The following PAPPA variants were observed in gnomAD, a reference collection of about 807,000 sequenced individuals.
The protein encoded by PAPPA is pappalysin-1.
Under a neutral mutation model 164.0 loss-of-function variants are expected in PAPPA, and 60 were observed. The ratio of observed to expected loss-of-function variants is 0.37; its 90% confidence interval spans 0.30 to 0.45. The LOEUF (loss-of-function observed/expected upper bound fraction) is 0.45. PAPPA is among the 20% of genes least tolerant of loss of function. The pLI, the probability that PAPPA is intolerant of heterozygous loss-of-function variation, is 1.00. For synonymous variants in PAPPA, 875 were observed against 814.1 expected (o/e 1.07, Z -1.27); for missense variants, 1,782 against 2,087.3 (o/e 0.85, Z 2.85).
rs185207598 is a variant in PAPPA at position 116,237,627 on chromosome 9, C to T, written c.2732+1990C>T. ...ATCTCAGCTAAATCACTAACTGGCT[C>T]TACCCTCTTAGGTGAGTCACTTGTC... On this transcript the variant is annotated intron_variant, in intron 7 of 21. Coordinates refer to ENST00000328252, the MANE Select transcript of PAPPA (RefSeq NM_002581.5). Among the ~76,000 whole-genome samples the T allele has an allele frequency of 3.5e-3, 534 of 152,240 alleles. 2 individuals are homozygous for T. Among genetic ancestry groups the T allele is most frequent in the Middle Eastern group, 6.8e-3 (2 of 294 alleles).
At chr9:116,332,168 T>C (rs181218438) in intron 11 of PAPPA, among the ~76,000 whole-genome samples, 165 bp from the exon 12 acceptor site, 1 of 152,350 alleles carries the variant, frequency 6.6e-6, no homozygotes, top group East Asian at 1.9e-4. Flanking sequence ...GCCTGTGCTC[T>C]TCACTGTTAG....
At chr9:116,203,182 C>G (rs1445445436) in intron 2 of PAPPA, among the ~76,000 whole-genome samples, 2 of 152,174 alleles carry the variant, frequency 1.3e-5, no homozygotes, top group African/African-American at 4.8e-5. Flanking sequence ...ACTTATGATA[C>G]AAAATTGCTG....
chr9:116,337,745 T>C (rs1846080290), intron 13 of PAPPA, among the ~76,000 whole-genome samples: 1 of 151,952 alleles, frequency 6.6e-6, no homozygotes, highest in Non-Finnish European at 1.5e-5. Context: ...TCTTCCTCAT[T>C]TTCTGTCTCT....
At position 116,271,511 on chromosome 9, in the gene PAPPA, A is replaced by T. The variant is rs1845137513; in HGVS notation, c.2953+95A>T. On this transcript the variant is annotated intron_variant, in intron 9 of 21. Coordinates refer to ENST00000328252, the MANE Select transcript of PAPPA (RefSeq NM_002581.5). This position sits in a 1 kb window ranked among gnomAD's most constrained non-coding sequence, Gnocchi z 4.2. ...TGCCAACAATAGTTATGACTAAATG[A>T]TGATTCACTCCTTTGTATTACACCT... The T allele has an allele frequency of 3.4e-6, 3 of 881,356 alleles. No homozygotes were observed. Among genetic ancestry groups the T allele is most frequent in the Non-Finnish European group, 5.7e-6 (3 of 524,324 alleles). 54.6% of individuals were successfully genotyped at this position (881,356 alleles called of 1,614,324 possible).
At chr9:116,316,624 C>T (rs78896094) in intron 10 of PAPPA, 23,368 of 152,194 alleles carry the variant, frequency 0.15, 2,242 homozygotes, top group Non-Finnish European at 0.22. Context: ...TTGTACATCA[C>T]AGTCACTGTT....
intron 18 of PAPPA, among the ~76,000 whole-genome samples, chr9:116,367,020 C>T (rs891490940): frequency 3.9e-5 from 6 of 152,120 alleles, no homozygotes; most frequent in African/African-American, 1.2e-4. Context: ...GGGTGTCACA[C>T]GCTGGGTTAA....
At chr9:116,346,824 C>G (rs1022702166) in intron 14 of PAPPA, among the ~76,000 whole-genome samples, 9 of 152,208 alleles carry the variant, frequency 5.9e-5, no homozygotes, top group African/African-American at 2.2e-4. Context: ...GTCTCTGAGT[C>G]TCAGTCTCTG....
rs1228973167 is a variant in PAPPA at position 116,400,560 on chromosome 9, G to C, written c.*3944G>C. ...TGTTTATATTTACCAGTACAGCACTGGGCTTTATAAAGACTGCACTCAGAA... is the reference window on the plus strand; with the variant it reads ...TGTTTATATTTACCAGTACAGCACTCGGCTTTATAAAGACTGCACTCAGAA... On this transcript the variant is annotated 3_prime_UTR_variant, in exon 22 of 22. Transcript: ENST00000328252. The C allele has an allele frequency of 6.6e-6, 1 of 152,136 alleles. No individual in the cohort carries two copies. The allele number at this position is 152,136 out of a possible 1,614,324, so 9.4% of individuals were successfully genotyped here.
intron 10 of PAPPA, among the ~76,000 whole-genome samples, chr9:116,321,313 C>CA (rs1397710809): frequency 6.6e-6 from 1 of 152,200 alleles, no homozygotes; most frequent in East Asian, 1.9e-4. Context: ...AGGCGTGAGC[C>CA]ACCGCGCCTG....
chr9:116,362,266 A>C (rs922662574), intron 17 of PAPPA, among the ~76,000 whole-genome samples: 2 of 151,562 alleles, frequency 1.3e-5, no homozygotes, highest in African/African-American at 2.4e-5. Context: ...TAAAAAAAAA[A>C]CTCCCACACA....
At chr9:116,325,073 G>C (rs533693878) in intron 10 of PAPPA, among the ~76,000 whole-genome samples, 1 of 152,292 alleles carries the variant, frequency 6.6e-6, no homozygotes, top group Admixed American at 6.5e-5. Flanking sequence ...AAAAAGACTG[G>C]TCGTTGGTGC....
Position 116,402,087 on chromosome 9 carries a change from A to G in PAPPA, c.*5471A>G, listed in dbSNP as rs180771212. 80 of 152,522 alleles carry G rather than the reference A, an allele frequency of 5.2e-4. No individual in the cohort carries two copies. The highest frequency in any genetic ancestry group is 1.8e-3 in the African/African-American group (76 of 41,534). The allele number at this position is 152,522 out of a possible 1,614,324, so 9.4% of individuals were successfully genotyped here. Reference sequence around the variant, plus strand: ...ATCTTTTTTAATTTATATTTACACAATTGTTCATCTAATTTATTTTTTCTA... The same window carrying G: ...ATCTTTTTTAATTTATATTTACACAGTTGTTCATCTAATTTATTTTTTCTA... On this transcript the variant is annotated 3_prime_UTR_variant, in exon 22 of 22. Transcript: ENST00000328252.
intron 9 of PAPPA, among the ~76,000 whole-genome samples, chr9:116,282,724 A>G (rs1478413307): frequency 1.3e-5 from 2 of 152,194 alleles, no homozygotes; most frequent in African/African-American, 4.8e-5. Flanking sequence ...TTATCTAATA[A>G]AGTGTGTACT....
chr9:116,236,778 G>A (rs972412049), intron 7 of PAPPA, among the ~76,000 whole-genome samples: 4 of 152,066 alleles, frequency 2.6e-5, no homozygotes, highest in African/African-American at 9.7e-5. Flanking sequence ...CACAACCATA[G>A]CCCTATTATT....
intron 3 of PAPPA, among the ~76,000 whole-genome samples, chr9:116,207,998 C>A (rs1240794719): frequency 6.6e-6 from 1 of 152,212 alleles, no homozygotes; most frequent in Non-Finnish European, 1.5e-5. Flanking sequence ...CTGGTAACCA[C>A]ACTGTACTGG....
At chr9:116,252,497 T>C (rs1277674478) in intron 7 of PAPPA, among the ~76,000 whole-genome samples, 1 of 152,106 alleles carries the variant, frequency 6.6e-6, no homozygotes, top group African/African-American at 2.4e-5. Flanking sequence ...GCACCTGAAG[T>C]GGAAGGGCTG....
At chr9:116,178,509 T>C (rs1843863505) in intron 1 of PAPPA, among the ~76,000 whole-genome samples, 1 of 152,200 alleles carries the variant, frequency 6.6e-6, no homozygotes, top group Admixed American at 6.5e-5. Flanking sequence ...ATCCTCGAAA[T>C]GGCACTATTT....
intron 1 of PAPPA, among the ~76,000 whole-genome samples, chr9:116,181,203 G>T (rs542183460): frequency 6.6e-6 from 1 of 152,202 alleles, no homozygotes; most frequent in Non-Finnish European, 1.5e-5. Flanking sequence ...TGGTTTGCTA[G>T]GGCAGGCATA....
chr9:116,394,842 A>G (rs546241243), intron 21 of PAPPA, among the ~76,000 whole-genome samples: 2 of 152,326 alleles, frequency 1.3e-5, no homozygotes, highest in South Asian at 2.1e-4. Flanking sequence ...TGTGGTAGCC[A>G]TAAGTACAAA....
Sources: allele counts gnomAD v4.1 joint callset (sites outside exome capture counted in the v4.1 genomes callset), GRCh38; gene constraint gnomAD v4.1.1; non-coding constraint Gnocchi (gnomAD v3.1); transcripts MANE v1.5; gene names NCBI Gene and HGNC (gene_info 2026-07-23, HGNC 2026-07-21).